SLC31A1: variants seen among roughly 807,000 people sequenced by gnomAD.
The protein encoded by SLC31A1 is high affinity copper uptake protein 1.
SLC31A1 carries 5 observed loss-of-function variants against 17.2 expected under a neutral mutation model. The observed-to-expected ratio is 0.29, with a 90% CI of 0.15 to 0.61. The LOEUF is 0.61. SLC31A1 is among the 20% of genes least tolerant of loss of function. SLC31A1 has a pLI of 0.86. For missense variants in SLC31A1, 161 were observed against 241.4 expected (o/e 0.67, Z 2.21); for synonymous variants, 76 against 78.8 (o/e 0.96, Z 0.19).
At chr9:113,254,829 G>A (rs946611976) in intron 1 of SLC31A1, among the ~76,000 whole-genome samples, 1 of 151,568 alleles carries the variant, frequency 6.6e-6, no homozygotes, top group Non-Finnish European at 1.5e-5. Flanking sequence ...AATCCAGGAG[G>A]CAGAGGTTGC....
At chr9:113,225,390 A>G (rs751490173) in intron 1 of SLC31A1, among the ~76,000 whole-genome samples, 3 of 152,236 alleles carry the variant, frequency 2.0e-5, no homozygotes, top group Non-Finnish European at 4.4e-5. Flanking sequence ...TTTTTATTCT[A>G]AATGGCATGA....
intron 1 of SLC31A1, among the ~76,000 whole-genome samples, chr9:113,224,397 A>G (rs1426649859): frequency 6.6e-6 from 1 of 151,766 alleles, no homozygotes; most frequent in Non-Finnish European, 1.5e-5. Flanking sequence ...TCCCACACCT[A>G]ACAGCAAGTT....
chr9:113,254,388 C>G (rs1390380699), intron 1 of SLC31A1, among the ~76,000 whole-genome samples: 1 of 152,156 alleles, frequency 6.6e-6, no homozygotes, highest in Admixed American at 6.6e-5. Flanking sequence ...GCACCTAGCT[C>G]AGAGTTTGGT....
At position 113,258,933 on chromosome 9, in the gene SLC31A1, G is replaced by C; in HGVS notation, c.371+71G>C. The C allele has an allele frequency of 6.8e-7, 1 of 1,468,278 alleles. No homozygotes were observed. The highest frequency in any genetic ancestry group is 9.5e-7 in the Non-Finnish European group (1 of 1,047,882). 91.0% of individuals were successfully genotyped at this position (1,468,278 alleles called of 1,614,324 possible). ...GTTAAGCAGCAAAGCGCAGCTGTGT[G>C]ATCAGCAGCAGCCCTCTTCTTGAGT... On this transcript the variant is annotated intron_variant, in intron 4 of 4. Transcript: ENST00000374212. The surrounding 1 kb of genome is among the most constrained non-coding windows in gnomAD (Gnocchi z 4.8).
intron 1 of SLC31A1, among the ~76,000 whole-genome samples, chr9:113,231,871 G>C (rs1032053039): frequency 6.6e-6 from 1 of 152,180 alleles, no homozygotes; most frequent in African/African-American, 2.4e-5. Flanking sequence ...CTCTGTGGAA[G>C]AGTTCTGATA....
Position 113,260,347 on chromosome 9 carries a change from C to T in SLC31A1, c.447C>T (p.Leu149=). ...TCCAGGTGGTCATAAGCTACTTCCTCATGCTCATCTTCATGACCTACAACG... is the reference window on the plus strand; with the variant it reads ...TCCAGGTGGTCATAAGCTACTTCCTTATGCTCATCTTCATGACCTACAACG... The part of the protein sequence containing the change: ...HIIQVVISYF[L]MLIFMTYNGY... The change falls in exon 5 of 5, where the codon CTC becomes CTT. Residue 149 remains leucine, a synonymous_variant. Transcript: ENST00000374212. 1 of 1,614,168 alleles carries T rather than the reference C, an allele frequency of 6.2e-7. No individual in the cohort carries two copies. The highest frequency in any genetic ancestry group is 1.1e-5 in the South Asian group (1 of 91,082).
At chr9:113,221,780 A>G (rs1368035049) in intron 1 of SLC31A1, 102 bp downstream of exon 1, 1 of 187,490 alleles carries the variant, frequency 5.3e-6, no homozygotes, top group African/African-American at 2.4e-5. Flanking sequence ...AGCTCCGCGG[A>G]AGGAGAAAGA....
chr9:113,243,084 TTTTG>T (rs1002406030), intron 1 of SLC31A1, among the ~76,000 whole-genome samples: 1 of 152,074 alleles, frequency 6.6e-6, no homozygotes, highest in African/African-American at 2.4e-5. Flanking sequence ...GCTTTTTTTT[TTTTG>T]TTTAAGTTTT....
Position 113,263,383 on chromosome 9 carries a change from T to C in SLC31A1, c.*2910T>C, listed in dbSNP as rs1236183664. 2 of 152,602 alleles carry C rather than the reference T, an allele frequency of 1.3e-5. No individual in the cohort carries two copies. The highest frequency in any genetic ancestry group is 1.3e-4 in the Admixed American group (2 of 15,282). 9.5% of individuals were successfully genotyped at this position (152,602 alleles called of 1,614,324 possible). On this transcript the variant is annotated 3_prime_UTR_variant, in exon 5 of 5. Coordinates refer to ENST00000374212, the MANE Select transcript of SLC31A1 (RefSeq NM_001859.4). ...CTCTTGGATTGTGATAATACAATGA[T>C]TTCATTAACTTTTCATTTCTGTATA...
At chr9:113,248,306 A>G in intron 1 of SLC31A1, among the ~76,000 whole-genome samples, 1 of 152,082 alleles carries the variant, frequency 6.6e-6, no homozygotes, top group South Asian at 2.1e-4. Flanking sequence ...CCTGGGTGAC[A>G]GAGACTCTGT....
chr9:113,256,658 G>A (rs749310896), intron 2 of SLC31A1: 19 of 266,504 alleles, frequency 7.1e-5, no homozygotes, highest in Non-Finnish European at 1.1e-4. Context: ...TCAGGAGATC[G>A]AGACCATCCT....
chr9:113,250,404 C>T lies in SLC31A1; in HGVS notation c.-35-5710C>T, dbSNP rs1283111126. Among the ~76,000 whole-genome samples the T allele has an allele frequency of 4.7e-5, 7 of 150,176 alleles. No homozygotes were observed. The South Asian group carries it at 1.1e-3, about 23-fold the overall frequency. ...GGACATGGATGGAATTGGAAATCAT[C>T]ATTCTCAGTAAACTATCGCAAGAAC... is the stretch of plus-strand genomic sequence containing the variant. On this transcript the variant is annotated intron_variant, in intron 1 of 4. Transcript: ENST00000374212.
chr9:113,232,482 G>A (rs903723387), intron 1 of SLC31A1, among the ~76,000 whole-genome samples: 3 of 151,868 alleles, frequency 2.0e-5, no homozygotes, highest in South Asian at 4.2e-4. Context: ...CATCTCTGTC[G>A]GTAAATTTAA....
intron 1 of SLC31A1, among the ~76,000 whole-genome samples, chr9:113,232,787 T>C (rs1831415271): frequency 6.6e-6 from 1 of 151,136 alleles, no homozygotes; most frequent in Non-Finnish European, 1.5e-5. Context: ...GAGGTTGCAG[T>C]GAGCCGAGAT....
chr9:113,252,662 C>A (rs374478365), intron 1 of SLC31A1, among the ~76,000 whole-genome samples: 21 of 152,280 alleles, frequency 1.4e-4, no homozygotes, highest in African/African-American at 4.8e-4. Flanking sequence ...TTCAGTTTCC[C>A]TTTCTAGCTT....
intron 1 of SLC31A1, among the ~76,000 whole-genome samples, chr9:113,229,599 G>C (rs1831380979): frequency 6.6e-6 from 1 of 152,118 alleles, no homozygotes; most frequent in Non-Finnish European, 1.5e-5. Flanking sequence ...AAACACTCCT[G>C]TTATAAGTAA....
chr9:113,222,504 A>T (rs1386283036), intron 1 of SLC31A1, among the ~76,000 whole-genome samples: 1 of 152,200 alleles, frequency 6.6e-6, no homozygotes, highest in Non-Finnish European at 1.5e-5. Context: ...GGTGTGGCTA[A>T]GGAGATAGTG....
chr9:113,264,388 T>C lies in SLC31A1; in HGVS notation c.*3915T>C, dbSNP rs1478309548. On this transcript the variant is annotated 3_prime_UTR_variant, in exon 5 of 5. Coordinates refer to ENST00000374212, the MANE Select transcript of SLC31A1 (RefSeq NM_001859.4). The stretch of plus-strand genomic sequence containing the variant: ...TACTGGGTCTACAATTAATGTTGAC[T>C]GTTTTAGATTGTAAGCTCCTGGAGA... 6.6e-6 allele frequency: 1 copy of C among 152,454 alleles called. No individual in the cohort carries two copies. The highest frequency in any genetic ancestry group is 2.4e-5 in the African/African-American group (1 of 41,384). The allele number at this position is 152,454 out of a possible 1,614,324, so 9.4% of individuals were successfully genotyped here. A position where few individuals can be genotyped will look rare whatever the true frequency, so the allele number is the denominator to read the frequency against.
chr9:113,234,306 A>T (rs1831431464), intron 1 of SLC31A1, among the ~76,000 whole-genome samples: 3 of 151,142 alleles, frequency 2.0e-5, no homozygotes, highest in Admixed American at 6.6e-5. Context: ...GTTCCTGAGT[A>T]GCTGGGATTA....
Sources: gnomAD v4.1 joint callset for allele counts (sites outside exome capture counted in the v4.1 genomes callset) on GRCh38, gnomAD v4.1.1 for gene constraint, Gnocchi (gnomAD v3.1) non-coding constraint, MANE v1.5 for transcripts, NCBI Gene and HGNC (gene_info 2026-07-23, HGNC 2026-07-21) for gene names.